The following SPMAP2L variants were observed in gnomAD, a reference collection of about 807,000 sequenced individuals.
SPMAP2L encodes sperm microtubule associated protein 2 like, also known as sperm microtubule associated protein 2-like.
chr4:56,575,736 G>C, the SPMAP2L span: 46 of 1,213,914 alleles, frequency 3.8e-5, no homozygotes, highest in Non-Finnish European at 5.2e-5. Context: ...AATTTCATGA[G>C]CTAAGAGTCC....
chr4:56,544,122 G>A, the SPMAP2L span, among the ~76,000 whole-genome samples: 1 of 152,008 alleles, frequency 6.6e-6, no homozygotes, highest in Non-Finnish European at 1.5e-5. Flanking sequence ...CCGAGTAGCT[G>A]GGATTACAGG....
chr4:56,593,293 C>CACA, the SPMAP2L span: 3,659 of 1,182,752 alleles, frequency 3.1e-3, 54 homozygotes, highest in African/African-American at 0.038. Context: ...GTGCTACAGA[C>CACA]ACAAGAGGAG....
At chr4:56,559,084 C>G in the SPMAP2L span, among the ~76,000 whole-genome samples, 2 of 151,908 alleles carry the variant, frequency 1.3e-5, no homozygotes, top group Admixed American at 1.3e-4. Flanking sequence ...TAGGCATGTG[C>G]CACCACGCCT....
the SPMAP2L span, chr4:56,595,329 C>T: frequency 3.2e-5 from 51 of 1,609,324 alleles, no homozygotes; most frequent in East Asian, 1.3e-4. Context: ...ATGGATTTCA[C>T]GCCCCTATCA....
At chr4:56,607,826 T>TA in the SPMAP2L span, among the ~76,000 whole-genome samples, 1 of 151,736 alleles carries the variant, frequency 6.6e-6, no homozygotes, top group Non-Finnish European at 1.5e-5. Flanking sequence ...CATTTTTATT[T>TA]AAAAAAATGT....
chr4:56,550,497 G>A, the SPMAP2L span, among the ~76,000 whole-genome samples: 2 of 152,038 alleles, frequency 1.3e-5, no homozygotes, highest in Non-Finnish European at 2.9e-5. Flanking sequence ...TTGTCAGGTG[G>A]CTGAGGAGTA....
the SPMAP2L span, among the ~76,000 whole-genome samples, chr4:56,624,529 G>T: frequency 1.3e-5 from 2 of 152,168 alleles, no homozygotes; most frequent in Non-Finnish European, 2.9e-5. Flanking sequence ...GGCCTAGGAG[G>T]AAAAAGTGGT....
chr4:56,613,228 T>C, the SPMAP2L span, among the ~76,000 whole-genome samples: 1 of 152,158 alleles, frequency 6.6e-6, no homozygotes, highest in African/African-American at 2.4e-5. Flanking sequence ...CGTTGCTTTT[T>C]GTTTTCCATC....
chr4:56,584,393 AG>A, the SPMAP2L span: 3 of 687,034 alleles, frequency 4.4e-6, no homozygotes, highest in South Asian at 1.8e-5. Flanking sequence ...CTAAGATAGA[AG>A]CAGTGTATAT....
chr4:56,621,478 A>C, the SPMAP2L span, among the ~76,000 whole-genome samples: 1 of 152,202 alleles, frequency 6.6e-6, no homozygotes, highest in Non-Finnish European at 1.5e-5. Flanking sequence ...ACATCTCATA[A>C]CTGTAGGGCA....
the SPMAP2L span, among the ~76,000 whole-genome samples, chr4:56,562,121 T>A: frequency 6.6e-6 from 1 of 152,256 alleles, no homozygotes; most frequent in South Asian, 2.1e-4. Context: ...TTACTGTTTT[T>A]AAGGAGTTTA....
chr4:56,539,504 C>T, the SPMAP2L span, among the ~76,000 whole-genome samples: 3 of 152,162 alleles, frequency 2.0e-5, no homozygotes, highest in African/African-American at 7.2e-5. Flanking sequence ...TCACTGCAAC[C>T]TCTGCCTCCC....
the SPMAP2L span, among the ~76,000 whole-genome samples, chr4:56,596,214 GT>G: frequency 1.2e-4 from 18 of 151,898 alleles, no homozygotes; most frequent in Non-Finnish European, 2.1e-4. Flanking sequence ...TCTGTGTGAG[GT>G]TTTTTTTATC....
At chr4:56,544,242 G>T in the SPMAP2L span, among the ~76,000 whole-genome samples, 2 of 152,158 alleles carry the variant, frequency 1.3e-5, no homozygotes, top group African/African-American at 4.8e-5. Flanking sequence ...GCCCGCCTTG[G>T]CCTCCCAAAG....
chr4:56,530,941 T>C, the SPMAP2L span: 7 of 1,535,012 alleles, frequency 4.6e-6, no homozygotes, highest in Admixed American at 2.0e-5. Flanking sequence ...CCACGCTCCC[T>C]ATGCGCCCCA....
chr4:56,587,783 G>T, the SPMAP2L span, among the ~76,000 whole-genome samples: 1 of 152,200 alleles, frequency 6.6e-6, no homozygotes, highest in East Asian at 1.9e-4. Flanking sequence ...AAACATGCAT[G>T]TGCAAGTATC....
At chr4:56,570,967 T>C in the SPMAP2L span, among the ~76,000 whole-genome samples, 1 of 151,688 alleles carries the variant, frequency 6.6e-6, no homozygotes, top group Non-Finnish European at 1.5e-5. Context: ...CCACACCCCG[T>C]TAACTTTTGT....
chr4:56,589,464 G>A, the SPMAP2L span, among the ~76,000 whole-genome samples: 1 of 152,078 alleles, frequency 6.6e-6, no homozygotes, highest in Non-Finnish European at 1.5e-5. Flanking sequence ...TTCTAATTTT[G>A]TGAAGAATGA....
chr4:56,556,743 C>T, the SPMAP2L span, among the ~76,000 whole-genome samples: 1 of 151,912 alleles, frequency 6.6e-6, no homozygotes. Context: ...CGTGGTGGCA[C>T]GCACCTGTAA....
Sources: gnomAD v4.1 joint callset for allele counts (sites outside exome capture counted in the v4.1 genomes callset) on GRCh38, gnomAD v4.1.1 for gene constraint, MANE v1.5 for transcripts, NCBI Gene and HGNC (gene_info 2026-07-23, HGNC 2026-07-21) for gene names.